Variants in ATP2B2 observed in about 807,000 individuals in gnomAD.
ATP2B2 encodes the protein ATPase plasma membrane Ca2+ transporting 2.
Under a neutral mutation model 120.0 loss-of-function variants are expected in ATP2B2, and 15 were observed. The observed-to-expected ratio is 0.12, with a 90% CI of 0.08 to 0.19. The LOEUF (loss-of-function observed/expected upper bound fraction) is 0.19, where lower values mean the gene tolerates loss of function less well. ATP2B2 is among the 10% of genes least tolerant of loss of function. The pLI, the probability that ATP2B2 is intolerant of heterozygous loss-of-function variation, is 1.00. For missense variants in ATP2B2, 1,045 were observed against 1,719.8 expected, an observed-to-expected ratio of 0.61 and a Z score of 6.94; for synonymous variants, 694 against 700.3, an observed-to-expected ratio of 0.99 and a Z score of 0.14.
At chr3:10,386,683 G>T (rs2061690665) in intron 6 of ATP2B2, among the ~76,000 whole-genome samples, 171 bp from the exon 7 acceptor site, 1 of 152,202 alleles carries the variant, frequency 6.6e-6, no homozygotes, top group Non-Finnish European at 1.5e-5. Context: ...CCTAGTGGAG[G>T]TGATGGGATG....
chr3:10,679,032 T>C (rs995323800), intron 1 of ATP2B2, among the ~76,000 whole-genome samples: 6 of 152,162 alleles, frequency 3.9e-5, no homozygotes, highest in Non-Finnish European at 8.8e-5. Flanking sequence ...GAGACTTCTA[T>C]CTCTCTCCTG....
At chr3:10,430,198 T>C (rs1376406888) in intron 2 of ATP2B2, among the ~76,000 whole-genome samples, 2 of 152,220 alleles carry the variant, frequency 1.3e-5, no homozygotes, top group African/African-American at 4.8e-5. Context: ...TAACACAATA[T>C]CTATTCTGCA....
At chr3:10,386,575 G>T in intron 6 of ATP2B2, 63 bp from the exon 7 acceptor site, 1 of 1,561,418 alleles carries the variant, frequency 6.4e-7, no homozygotes, top group Admixed American at 1.7e-5. Flanking sequence ...CTGCCCATGC[G>T]CACGCGCACA....
At chr3:10,537,185 C>A (rs1575472417) in intron 2 of ATP2B2, among the ~76,000 whole-genome samples, 1 of 152,088 alleles carries the variant, frequency 6.6e-6, no homozygotes, top group Non-Finnish European at 1.5e-5. Flanking sequence ...CATTCTTTTT[C>A]AAAATTGTTT....
At chr3:10,430,363 A>G (rs4684692) in intron 2 of ATP2B2, among the ~76,000 whole-genome samples, 21,796 of 152,210 alleles carry the variant, frequency 0.14, 2,510 homozygotes, top group East Asian at 0.31. Flanking sequence ...GATGCCATTA[A>G]GAACATTGGT....
intron 1 of ATP2B2, among the ~76,000 whole-genome samples, chr3:10,481,134 G>A (rs1234012770): frequency 6.6e-6 from 1 of 152,228 alleles, no homozygotes; most frequent in East Asian, 1.9e-4. Context: ...GAAATGGAAA[G>A]ACTTCATTTG....
rs1431946733 is a variant in ATP2B2, at chr3:10,328,034, G to A, written c.*780C>T. The stretch of plus-strand genomic sequence containing the variant: ...GTAAACAAATTACATTCTTCTTTTA[G>A]GACATAAATAAGTTAAAATAGAGCA... On this transcript the variant is annotated 3_prime_UTR_variant, in exon 23 of 23. Transcript: ENST00000360273. The A allele has an allele frequency of 6.6e-6, 1 of 152,046 alleles. No homozygotes were observed. 9.4% of individuals were successfully genotyped at this position (152,046 alleles called of 1,614,324 possible).
At chr3:10,432,178 G>A (rs986025076) in intron 2 of ATP2B2, among the ~76,000 whole-genome samples, 6 of 152,218 alleles carry the variant, frequency 3.9e-5, no homozygotes, top group South Asian at 4.1e-4. Context: ...GCATGGCCTC[G>A]GGCACACTGT....
At chr3:10,606,138 A>G (rs919832082) in intron 2 of ATP2B2, among the ~76,000 whole-genome samples, 2 of 152,132 alleles carry the variant, frequency 1.3e-5, no homozygotes, top group Non-Finnish European at 2.9e-5. Flanking sequence ...AACAAAAACA[A>G]AAAAACAACC....
chr3:10,637,765 T>A (rs889539806), intron 1 of ATP2B2, among the ~76,000 whole-genome samples: 1 of 151,960 alleles, frequency 6.6e-6, no homozygotes, highest in Admixed American at 6.6e-5. Flanking sequence ...CCAAATTTGA[T>A]AAGAACTATA....
At chr3:10,361,277 C>T (rs187145113) in intron 12 of ATP2B2, among the ~76,000 whole-genome samples, 207 of 152,296 alleles carry the variant, frequency 1.4e-3, no homozygotes, top group African/African-American at 4.7e-3. Context: ...CTTGGCCTCC[C>T]ACAGTGCTGG....
At position 10,390,687 on chromosome 3, in the gene ATP2B2, C is replaced by T. The variant is rs559537446; in HGVS notation, c.782-2285G>A. ...CATGAAGGCTCACAGAGGGGGTGTG[C>T]GGAACCCAGATTCTCAGATGGCAAG... is the stretch of plus-strand genomic sequence containing the variant. On this transcript the variant is annotated intron_variant, in intron 5 of 22. Transcript: ENST00000360273. 1.9e-4 allele frequency among the ~76,000 whole-genome samples: 29 copies of T among 152,274 alleles called. No homozygotes were observed. The East Asian group carries it at 3.5e-3, about 18-fold the overall frequency.
intron 3 of ATP2B2, among the ~76,000 whole-genome samples, chr3:10,512,494 A>G (rs921392756): frequency 1.6e-4 from 24 of 152,020 alleles, no homozygotes; most frequent in East Asian, 3.9e-4. Flanking sequence ...ACACACACAC[A>G]CACACACACA....
At chr3:10,606,451 G>T (rs2069069434) in intron 2 of ATP2B2, among the ~76,000 whole-genome samples, 1 of 152,136 alleles carries the variant, frequency 6.6e-6, no homozygotes, top group Non-Finnish European at 1.5e-5. Context: ...CCTGACCAGG[G>T]GGGTGGAGTT....
chr3:10,569,012 C>T (rs2068068344), intron 2 of ATP2B2, among the ~76,000 whole-genome samples: 1 of 152,218 alleles, frequency 6.6e-6, no homozygotes, highest in African/African-American at 2.4e-5. Context: ...GCAGACTCTT[C>T]CCCATCTCGA....
intron 1 of ATP2B2, among the ~76,000 whole-genome samples, chr3:10,451,579 A>T (rs1428542468): frequency 6.6e-6 from 1 of 152,186 alleles, no homozygotes; most frequent in Non-Finnish European, 1.5e-5. Context: ...GTCTTACACA[A>T]GGGACGCTTT....
chr3:10,430,696 T>A (rs1211646684), intron 2 of ATP2B2, among the ~76,000 whole-genome samples: 2 of 151,496 alleles, frequency 1.3e-5, no homozygotes, highest in Admixed American at 6.6e-5. Flanking sequence ...AATCACAGTA[T>A]CAGAAATAGC....
At chr3:10,679,120 T>G (rs569856558) in intron 1 of ATP2B2, among the ~76,000 whole-genome samples, 1 of 152,230 alleles carries the variant, frequency 6.6e-6, no homozygotes, top group East Asian at 1.9e-4. Context: ...CATGTGAGCT[T>G]GGTTAAGGAC....
At chr3:10,481,290 T>C (rs2065400761) in intron 1 of ATP2B2, among the ~76,000 whole-genome samples, 1 of 152,222 alleles carries the variant, frequency 6.6e-6, no homozygotes, top group African/African-American at 2.4e-5. Context: ...TCCAACTGGC[T>C]GATCCTCCCT....
Sources: gnomAD v4.1 joint callset for allele counts (sites outside exome capture counted in the v4.1 genomes callset) on GRCh38, gnomAD v4.1.1 for gene constraint, MANE v1.5 for transcripts, NCBI Gene and HGNC (gene_info 2026-07-23, HGNC 2026-07-21) for gene names.